DPEP1: variants seen among roughly 807,000 people sequenced by gnomAD.
DPEP1 encodes beta-lactamase.
DPEP1 carries 50 observed loss-of-function variants against 42.3 expected under a neutral mutation model. The observed-to-expected ratio is 1.18, with a 90% CI of 0.94 to 1.50. The LOEUF (loss-of-function observed/expected upper bound fraction) is 1.50. Ranked by LOEUF, DPEP1 falls within the 40% of genes most tolerant of loss-of-function variation. The pLI is 0.00. For missense variants in DPEP1, 663 were observed against 553.0 expected (o/e 1.20, Z -1.99); for synonymous variants, 297 against 234.0 (o/e 1.27, Z -2.46).
At position 89,636,250 on chromosome 16, in the gene DPEP1, C is replaced by A. The variant is rs1276669078; in HGVS notation, c.238-14C>A. 5 of 1,601,478 alleles carry A rather than the reference C, an allele frequency of 3.1e-6. No individual in the cohort carries two copies. The highest frequency in any genetic ancestry group is 4.3e-6 in the Non-Finnish European group (5 of 1,175,912). ...CTGGCTGCATCAGCTCCTGGCACCC[C>A]CTGCGGCCCACAGTTCTGGTCCGTG... On this transcript the variant is annotated splice_polypyrimidine_tract_variant and intron_variant, in intron 3 of 10. Transcript: ENST00000690203.
At chr16:89,633,307 G>A (rs1054932942) in intron 2 of DPEP1, among the ~76,000 whole-genome samples, 7 of 152,354 alleles carry the variant, frequency 4.6e-5, no homozygotes, top group South Asian at 4.1e-4. Flanking sequence ...GGACAACCTC[G>A]CTGACGCAGG....
chr16:89,636,589 G>A lies in DPEP1; in HGVS notation c.427G>A (p.Gly143Ser), dbSNP rs145285386. The A allele has an allele frequency of 1.8e-5, 29 of 1,612,548 alleles. No individual in the cohort carries two copies. Among genetic ancestry groups the A allele is most frequent in the East Asian group, 4.5e-5 (2 of 44,860 alleles). The change falls in exon 5 of 11, where the codon GGC becomes AGC. Residue 143 changes from glycine to serine, a missense_variant. Physicochemically the swap from Gly to Ser is moderately conservative, Grantham distance 56. Coordinates refer to ENST00000690203, the MANE Select transcript of DPEP1 (RefSeq NM_001389466.1). ...GGCCAGCCTGATCGGCGTGGAGGGCGGCCACTCCATTGACAGCAGTTTGGG... is the reference window on the plus strand; with the variant it reads ...GGCCAGCCTGATCGGCGTGGAGGGCAGCCACTCCATTGACAGCAGTTTGGG... The part of the protein sequence containing the change: ...KVASLIGVEG[G>S]HSIDSSLGVL...
At chr16:89,623,105 A>G (rs1229417921) in intron 1 of DPEP1, among the ~76,000 whole-genome samples, 1 of 151,970 alleles carries the variant, frequency 6.6e-6, no homozygotes, top group Admixed American at 6.6e-5. Context: ...GAAGGTCAGG[A>G]GGCCCTTCCC....
chr16:89,636,753 C>T, intron 5 of DPEP1, 70 bp downstream of exon 5: 6 of 1,602,522 alleles, frequency 3.7e-6, no homozygotes, highest in South Asian at 1.1e-5. Context: ...CCCTGCCACC[C>T]TCCAGAGCCC....
chr16:89,627,768 C>G (rs1206424611), intron 1 of DPEP1, among the ~76,000 whole-genome samples: 1 of 134,554 alleles, frequency 7.4e-6, no homozygotes, highest in Non-Finnish European at 1.5e-5. Flanking sequence ...TCAAGTGATT[C>G]TCCTCCAAAA....
Position 89,616,123 on chromosome 16 carries a change from G to C in DPEP1, c.-107+2404G>C, listed in dbSNP as rs183416443. On this transcript the variant is annotated intron_variant, in intron 1 of 10. Transcript: ENST00000690203. Reference sequence around the variant, plus strand: ...TAAAATGCTCCCTGAACTCCAGCTGGGGTGCGCAGCAGGAGGCTGGGTCCG... The same window carrying C: ...TAAAATGCTCCCTGAACTCCAGCTGCGGTGCGCAGCAGGAGGCTGGGTCCG... Among the ~76,000 whole-genome samples the C allele has an allele frequency of 7.0e-3, 1,057 of 151,910 alleles. 13 individuals are homozygous for C. The highest frequency in any genetic ancestry group is 0.024 in the African/African-American group (1,010 of 41,424).
intron 1 of DPEP1, among the ~76,000 whole-genome samples, chr16:89,618,946 CTG>C (rs1567979887): frequency 3.6e-4 from 37 of 101,452 alleles, no homozygotes; most frequent in African/African-American, 1.1e-3. Flanking sequence ...CCCTGCCCCC[CTG>C]CTCCCCTCCC....
downstream of DPEP1, among the ~76,000 whole-genome samples, chr16:89,639,166 T>C (rs1441166315): frequency 2.4e-3 from 19 of 7,988 alleles, no homozygotes; most frequent in Admixed American, 3.7e-3. Context: ...ACACACCCCA[T>C]CCCTGCACGC....
intron 1 of DPEP1, among the ~76,000 whole-genome samples, chr16:89,629,874 C>A (rs1398314027): frequency 6.6e-6 from 1 of 152,180 alleles, no homozygotes; most frequent in Non-Finnish European, 1.5e-5. Flanking sequence ...TCCTGGAACG[C>A]CCTAATGTTT....
downstream of DPEP1, among the ~76,000 whole-genome samples, chr16:89,638,775 AC>A (rs1567995286): frequency 2.7e-5 from 1 of 37,076 alleles, no homozygotes; most frequent in Non-Finnish European, 5.0e-5. Flanking sequence ...GCACGCACAC[AC>A]CCCACCCCTG....
At chr16:89,621,444 T>G (rs1233098109) in intron 1 of DPEP1, among the ~76,000 whole-genome samples, 4 of 152,122 alleles carry the variant, frequency 2.6e-5, no homozygotes, top group African/African-American at 4.8e-5. Flanking sequence ...ACTCCCCCAG[T>G]GCAGACATCA....
intron 1 of DPEP1, among the ~76,000 whole-genome samples, chr16:89,624,723 C>G (rs1007792384): frequency 6.6e-6 from 1 of 151,916 alleles, no homozygotes; most frequent in Non-Finnish European, 1.5e-5. Flanking sequence ...TTAGTTGAGA[C>G]GGGGTTTTTC....
chr16:89,632,706 G>A (rs2059605358), intron 2 of DPEP1, among the ~76,000 whole-genome samples: 1 of 152,186 alleles, frequency 6.6e-6, no homozygotes, highest in Non-Finnish European at 1.5e-5. Flanking sequence ...GGCAGGCAGG[G>A]CCTCCCTCCC....
chr16:89,617,344 G>A (rs1018529838), intron 1 of DPEP1, among the ~76,000 whole-genome samples: 49 of 152,204 alleles, frequency 3.2e-4, no homozygotes, highest in African/African-American at 1.2e-3. Flanking sequence ...GGGGAAAAGC[G>A]CTCCTGCCTC....
intron 1 of DPEP1, among the ~76,000 whole-genome samples, chr16:89,616,397 G>A (rs948750165): frequency 2.6e-5 from 4 of 152,164 alleles, no homozygotes; most frequent in Non-Finnish European, 5.9e-5. Flanking sequence ...ACAGACGGGC[G>A]GAAAGGAGGG....
chr16:89,635,859 G>A (rs1313208649), intron 2 of DPEP1, 49 bp from the exon 3 acceptor site: 1 of 1,548,858 alleles, frequency 6.5e-7, no homozygotes, highest in African/African-American at 1.4e-5. Flanking sequence ...GAAGCCCCCA[G>A]GTCCCAGTGG....
At chr16:89,620,262 G>A (rs1218882245) in intron 1 of DPEP1, among the ~76,000 whole-genome samples, 1 of 152,146 alleles carries the variant, frequency 6.6e-6, no homozygotes, top group Non-Finnish European at 1.5e-5. Flanking sequence ...AGGGAGTCAG[G>A]GAGGTGGCTG....
intron 1 of DPEP1, among the ~76,000 whole-genome samples, chr16:89,622,387 C>T (rs2151481765): frequency 6.6e-6 from 1 of 152,276 alleles, no homozygotes; most frequent in East Asian, 1.9e-4. Flanking sequence ...ACCTTTCCCA[C>T]CGCAACTCTG....
intron 2 of DPEP1, among the ~76,000 whole-genome samples, chr16:89,632,448 G>T (rs2059601501): frequency 6.6e-6 from 1 of 152,194 alleles, no homozygotes; most frequent in South Asian, 2.1e-4. Flanking sequence ...AACCCAAATG[G>T]CTGTGTGCCC....
Sources: gnomAD v4.1 joint callset for allele counts (sites outside exome capture counted in the v4.1 genomes callset) on GRCh38, gnomAD v4.1.1 for gene constraint, MANE v1.5 for transcripts, NCBI Gene and HGNC (gene_info 2026-07-23, HGNC 2026-07-21) for gene names.